Variants in COL25A1 observed in about 807,000 individuals in gnomAD.
The protein encoded by COL25A1 is collagen alpha-1(XXV) chain.
COL25A1 carries 103 observed loss-of-function variants against 128.4 expected under a neutral mutation model. That is an observed-to-expected ratio of 0.80 (90% CI 0.68 to 0.94). COL25A1 has a LOEUF of 0.94. Ranked by LOEUF, COL25A1 falls within the 40% of genes least tolerant of loss-of-function variation. The pLI, the probability that COL25A1 is intolerant of heterozygous loss-of-function variation, is 0.00. For missense variants in COL25A1, 745 were observed against 840.0 expected, an observed-to-expected ratio of 0.89 and a Z score of 1.40; for synonymous variants, 279 against 277.2, an observed-to-expected ratio of 1.01 and a Z score of -0.06.
Position 109,302,313 on chromosome 4 carries a change from C to G in COL25A1, c.-201G>C, listed in dbSNP as rs1428116289. 2.6e-6 allele frequency: 1 copy of G among 387,590 alleles called. No individual in the cohort carries two copies. The highest frequency in any genetic ancestry group is 4.6e-6 in the Non-Finnish European group (1 of 216,926). 24.0% of individuals were successfully genotyped at this position (387,590 alleles called of 1,614,324 possible). A position where few individuals can be genotyped will look rare whatever the true frequency, so the allele number is the denominator to read the frequency against. On this transcript the variant is annotated 5_prime_UTR_variant, in exon 1 of 38. Coordinates refer to ENST00000399132, the MANE Select transcript of COL25A1 (RefSeq NM_198721.4). ...CAAGACGAAACCCACCCAGACAGCT[C>G]TTCCGACTCCCAGAGGACCGACACC...
intron 5 of COL25A1, among the ~76,000 whole-genome samples, chr4:109,037,213 A>G (rs1759438394): frequency 6.6e-6 from 1 of 152,118 alleles, no homozygotes; most frequent in Non-Finnish European, 1.5e-5. Context: ...TTGGGTTTCT[A>G]CTCTGCCTGC....
intron 3 of COL25A1, among the ~76,000 whole-genome samples, chr4:109,153,640 T>C (rs1000902215): frequency 9.2e-5 from 14 of 152,162 alleles, no homozygotes; most frequent in Admixed American, 2.6e-4. Flanking sequence ...TACATAATAT[T>C]TGAATATACT....
intron 6 of COL25A1, among the ~76,000 whole-genome samples, chr4:109,005,511 A>G (rs1422951334): frequency 6.6e-6 from 1 of 152,244 alleles, no homozygotes; most frequent in African/African-American, 2.4e-5. Context: ...AGGAATCACA[A>G]TATGAATATG....
intron 16 of COL25A1, among the ~76,000 whole-genome samples, chr4:108,894,183 A>G (rs1741865154): frequency 6.6e-6 from 1 of 152,218 alleles, no homozygotes; most frequent in Non-Finnish European, 1.5e-5. Context: ...TGGTCTTTTC[A>G]AAGAAAAAAG....
intron 6 of COL25A1, among the ~76,000 whole-genome samples, chr4:108,983,823 G>C (rs935830476): frequency 1.3e-5 from 2 of 152,210 alleles, no homozygotes; most frequent in African/African-American, 4.8e-5. Context: ...GACCTTCGCA[G>C]TGAGTGTTGC....
intron 3 of COL25A1, among the ~76,000 whole-genome samples, chr4:109,135,551 C>T (rs1401949395): frequency 1.3e-5 from 2 of 152,124 alleles, no homozygotes; most frequent in Non-Finnish European, 1.5e-5. Flanking sequence ...TCTGAATGTG[C>T]TGTCAACCTT....
At chr4:109,252,876 T>C (rs1560933627) in intron 3 of COL25A1, among the ~76,000 whole-genome samples, 1 of 152,196 alleles carries the variant, frequency 6.6e-6, no homozygotes, top group African/African-American at 2.4e-5. Flanking sequence ...TGGAAACATC[T>C]GTAAAGCTGG....
At chr4:109,016,824 A>C (rs1378482861) in intron 5 of COL25A1, among the ~76,000 whole-genome samples, 4 of 152,204 alleles carry the variant, frequency 2.6e-5, no homozygotes, top group Admixed American at 2.6e-4. Context: ...CTGTTGCTTA[A>C]TAAGGCTCCT....
At chr4:108,981,346 C>T (rs970879622) in intron 6 of COL25A1, among the ~76,000 whole-genome samples, 3 of 152,170 alleles carry the variant, frequency 2.0e-5, no homozygotes, top group Non-Finnish European at 4.4e-5. Context: ...AGAGACATTT[C>T]TTCTTCAAAC....
intron 21 of COL25A1, 33 bp downstream of exon 21, chr4:108,863,286 G>T (rs1478892214): frequency 1.3e-6 from 2 of 1,597,094 alleles, no homozygotes; most frequent in Non-Finnish European, 1.7e-6. Flanking sequence ...TCAAGCCAGA[G>T]AATGGTTATT....
chr4:108,914,868 T>C (rs1410614960), intron 13 of COL25A1, among the ~76,000 whole-genome samples: 1 of 152,124 alleles, frequency 6.6e-6, no homozygotes, highest in Non-Finnish European at 1.5e-5. Context: ...CTTGACAGCA[T>C]TTATTGGGCA....
rs545614371 is a variant in COL25A1 at position 109,155,754 on chromosome 4, T to C, written c.368-105575A>G. Reference sequence around the variant, plus strand: ...CAATTCAGATGTCCAAAGTTCCGTTTTGTTCACTCACATAGAATGAATTTG... The same window carrying C: ...CAATTCAGATGTCCAAAGTTCCGTTCTGTTCACTCACATAGAATGAATTTG... On this transcript the variant is annotated intron_variant, in intron 3 of 37. Coordinates refer to ENST00000399132, the MANE Select transcript of COL25A1 (RefSeq NM_198721.4). 3.3e-5 allele frequency among the ~76,000 whole-genome samples: 5 copies of C among 152,340 alleles called. No individual in the cohort carries two copies. The East Asian group carries it at 9.6e-4, about 29-fold the overall frequency.
At chr4:109,162,211 GGAA>G (rs1342929570) in intron 3 of COL25A1, among the ~76,000 whole-genome samples, 2 of 152,290 alleles carry the variant, frequency 1.3e-5, no homozygotes, top group East Asian at 3.9e-4. Context: ...AGATTTTTAA[GGAA>G]GAAGAGGAGA....
chr4:108,911,271 A>G (rs1237619862), intron 13 of COL25A1, among the ~76,000 whole-genome samples: 2 of 152,158 alleles, frequency 1.3e-5, no homozygotes, highest in Non-Finnish European at 1.5e-5. Context: ...ATAAATTGTA[A>G]GCATTGCAAC....
At chr4:109,220,684 A>AT (rs1422252921) in intron 3 of COL25A1, among the ~76,000 whole-genome samples, 40 of 152,204 alleles carry the variant, frequency 2.6e-4, no homozygotes, top group Admixed American at 2.0e-4. Context: ...GATTATAATA[A>AT]TAGGAAAAGG....
chr4:109,101,754 C>T (rs981622579), intron 3 of COL25A1, among the ~76,000 whole-genome samples: 1 of 152,148 alleles, frequency 6.6e-6, no homozygotes, highest in Non-Finnish European at 1.5e-5. Flanking sequence ...AGACAAAGCA[C>T]ACTCGTCAGG....
At chr4:108,922,851 A>G (rs539702499) in intron 11 of COL25A1, among the ~76,000 whole-genome samples, 20 of 152,216 alleles carry the variant, frequency 1.3e-4, no homozygotes, top group Non-Finnish European at 2.4e-4. Flanking sequence ...TAGAATTTTC[A>G]TAACTATGCT....
At chr4:109,007,535 T>C (rs1321438704) in intron 6 of COL25A1, among the ~76,000 whole-genome samples, 1 of 144,026 alleles carries the variant, frequency 6.9e-6, no homozygotes, top group Non-Finnish European at 1.5e-5. Context: ...CTTCACGTTT[T>C]CCCTAATACC....
In COL25A1 at chr4:108,846,745, G is replaced by A. The variant is rs189360988; in HGVS notation, c.1435-526C>T. On this transcript the variant is annotated intron_variant, in intron 27 of 37. Coordinates refer to ENST00000399132, the MANE Select transcript of COL25A1 (RefSeq NM_198721.4). ...ACTGGATCATTTACCACACACTAAC[G>A]CTCAATCAATGCTTAAAAGTATGAC... Among the ~76,000 whole-genome samples, 533 of 152,048 alleles carry A rather than the reference G, an allele frequency of 3.5e-3. 1 individual carries two copies. The highest frequency in any genetic ancestry group is 6.0e-3 in the African/African-American group (249 of 41,502).
Sources: allele counts gnomAD v4.1 joint callset (sites outside exome capture counted in the v4.1 genomes callset), GRCh38; gene constraint gnomAD v4.1.1; transcripts MANE v1.5; gene names NCBI Gene and HGNC (gene_info 2026-07-23, HGNC 2026-07-21).